The following ADCY1 variants were observed in gnomAD, a reference collection of about 807,000 sequenced individuals.
ADCY1 encodes the protein adenylate cyclase 1.
ADCY1 carries 28 observed loss-of-function variants against 105.4 expected under a neutral mutation model. That is an observed-to-expected ratio of 0.27 (90% confidence interval 0.20 to 0.36). The LOEUF is 0.36. Ranked by LOEUF, ADCY1 falls within the 10% of genes least tolerant of loss-of-function variation. ADCY1 has a pLI of 1.00. For synonymous variants in ADCY1, 655 were observed against 623.8 expected, an observed-to-expected ratio of 1.05 and a Z score of -0.75; for missense variants, 977 against 1,434.2, an observed-to-expected ratio of 0.68 and a Z score of 5.15.
chr7:45,688,812 T>C (rs975461654), intron 14 of ADCY1, among the ~76,000 whole-genome samples: 1 of 151,890 alleles, frequency 6.6e-6, no homozygotes, highest in Non-Finnish European at 1.5e-5. Context: ...ATACTCACAG[T>C]CCTGTAACGA....
intron 11 of ADCY1, chr7:45,680,241 G>A (rs1211642422): frequency 1.9e-5 from 4 of 212,914 alleles, no homozygotes; most frequent in Non-Finnish European, 2.9e-5. Flanking sequence ...CAGCAGGACA[G>A]AAGAGGGATG....
chr7:45,582,527 C>T lies in ADCY1; in HGVS notation c.639+7345C>T, dbSNP rs563090352. ...GAAGGGAGTGGGGCTGTCTGCCACT[C>T]GGCTGTGCCCCTCTCTAGTGCAGGC... On this transcript the variant is annotated intron_variant, in intron 1 of 19. Transcript: ENST00000297323. Among the ~76,000 whole-genome samples, 19 of 126,556 alleles carry T rather than the reference C, an allele frequency of 1.5e-4. No homozygotes were observed. In the East Asian group the frequency reaches 3.6e-3, roughly 24 times the overall value. 83.0% of individuals were successfully genotyped at this position (126,556 alleles called of 152,430 possible).
At position 45,719,027 on chromosome 7, in the gene ADCY1, GA is replaced by G. The variant is rs1785413850; in HGVS notation, c.*5034del. Reference sequence around the variant, plus strand: ...AGCTGCAGTGTCTGTGATTCTGTGTGAACTGACAGCAGGGAGCTGAAGGACA... The same window carrying G: ...AGCTGCAGTGTCTGTGATTCTGTGTGACTGACAGCAGGGAGCTGAAGGACA... On this transcript the variant is annotated 3_prime_UTR_variant, in exon 20 of 20. Transcript: ENST00000297323. 1 of 152,886 alleles carries G rather than the reference GA, an allele frequency of 6.5e-6. No homozygotes were observed. The highest frequency in any genetic ancestry group is 2.1e-4 in the South Asian group (1 of 4,838). 9.5% of individuals were successfully genotyped at this position (152,886 alleles called of 1,614,324 possible). A position where few individuals can be genotyped will look rare whatever the true frequency, so the allele number is the denominator to read the frequency against.
intron 4 of ADCY1, among the ~76,000 whole-genome samples, chr7:45,640,695 A>G (rs995944895): frequency 1.7e-4 from 26 of 152,228 alleles, no homozygotes; most frequent in Admixed American, 1.0e-3. Flanking sequence ...TTTCTAAAAA[A>G]CAACTCAGGG....
chr7:45,593,747 A>G (rs1159082186), intron 2 of ADCY1, among the ~76,000 whole-genome samples: 2 of 152,258 alleles, frequency 1.3e-5, no homozygotes, highest in Non-Finnish European at 2.9e-5. Context: ...ATGTGAATAT[A>G]AGGTATTATA....
At chr7:45,639,738 G>A (rs1254759212) in intron 4 of ADCY1, among the ~76,000 whole-genome samples, 1 of 152,254 alleles carries the variant, frequency 6.6e-6, no homozygotes, top group Non-Finnish European at 1.5e-5. Flanking sequence ...TCAGATTTCA[G>A]ATGGTACAGG....
At chr7:45,585,600 C>T (rs1384816520) in intron 1 of ADCY1, among the ~76,000 whole-genome samples, 1 of 152,180 alleles carries the variant, frequency 6.6e-6, no homozygotes, top group East Asian at 1.9e-4. Context: ...AGGCATGTAC[C>T]ACCACGCCCG....
intron 14 of ADCY1, among the ~76,000 whole-genome samples, chr7:45,691,707 C>A (rs1784789473): frequency 1.3e-5 from 2 of 152,216 alleles, no homozygotes; most frequent in Admixed American, 6.5e-5. Context: ...CAACTTATTT[C>A]TCTACCAATA....
chr7:45,695,769 G>T (rs909536605), intron 14 of ADCY1, among the ~76,000 whole-genome samples: 3 of 152,242 alleles, frequency 2.0e-5, no homozygotes, highest in African/African-American at 7.2e-5. Flanking sequence ...CAGTCACTGT[G>T]CAACAAGAAA....
chr7:45,705,133 C>T (rs7796703), intron 17 of ADCY1, among the ~76,000 whole-genome samples: 1 of 152,106 alleles, frequency 6.6e-6, no homozygotes. Flanking sequence ...CTGGTGAATT[C>T]TACCAAATAT....
At chr7:45,597,235 G>C (rs1793101200) in intron 2 of ADCY1, among the ~76,000 whole-genome samples, 1 of 152,238 alleles carries the variant, frequency 6.6e-6, no homozygotes, top group Non-Finnish European at 1.5e-5. Context: ...TGATGGAACA[G>C]ATGGAGATGG....
chr7:45,662,000 G>C lies in ADCY1; in HGVS notation c.1450-59G>C, dbSNP rs1052796601. On this transcript the variant is annotated intron_variant, in intron 7 of 19. Transcript: ENST00000297323. ...TTTGTCAGGATGGCATTCCCAGTCC[G>C]AGAGGCACAATGTGTCTCATTCACA... 3.8e-6 allele frequency: 6 copies of C among 1,562,444 alleles called. No individual in the cohort carries two copies. In the African/African-American group the frequency reaches 6.8e-5, roughly 18 times the overall value.
intron 4 of ADCY1, among the ~76,000 whole-genome samples, chr7:45,642,667 G>C (rs777511589): frequency 6.6e-6 from 1 of 152,112 alleles, no homozygotes; most frequent in African/African-American, 2.4e-5. Context: ...CTTCTCTCTA[G>C]CAGGCAGGTG....
At position 45,716,796 on chromosome 7, in the gene ADCY1, G is replaced by T. The variant is rs566693967; in HGVS notation, c.*2801G>T. 1 of 152,348 alleles carries T rather than the reference G, an allele frequency of 6.6e-6. No individual in the cohort carries two copies. The highest frequency in any genetic ancestry group is 1.5e-5 in the Non-Finnish European group (1 of 68,138). The allele number at this position is 152,348 out of a possible 1,614,324, so 9.4% of individuals were successfully genotyped here. Reference sequence around the variant, plus strand: ...TGGGAGGGGAACTTGGTTTATCTGGGTGGGCTCAGTGACCCCTTGGAATGG... The same window carrying T: ...TGGGAGGGGAACTTGGTTTATCTGGTTGGGCTCAGTGACCCCTTGGAATGG... On this transcript the variant is annotated 3_prime_UTR_variant, in exon 20 of 20. Coordinates refer to ENST00000297323, the MANE Select transcript of ADCY1 (RefSeq NM_021116.4).
At chr7:45,611,165 G>T (rs76674991) in intron 3 of ADCY1, among the ~76,000 whole-genome samples, 4,369 of 145,600 alleles carry the variant, frequency 0.03, 74 homozygotes, top group African/African-American at 0.051. Flanking sequence ...GGTGATGGAG[G>T]AGGTGAGGTG....
At chr7:45,588,446 G>T (rs1792800199) in intron 1 of ADCY1, among the ~76,000 whole-genome samples, 1 of 152,206 alleles carries the variant, frequency 6.6e-6, no homozygotes, top group African/African-American at 2.4e-5. Context: ...GGGAGCCATT[G>T]CTTCTAGTTT....
intron 14 of ADCY1, among the ~76,000 whole-genome samples, chr7:45,701,906 C>T (rs1462897395): frequency 6.6e-6 from 1 of 152,160 alleles, no homozygotes; most frequent in Middle Eastern, 3.2e-3. Flanking sequence ...TTTCTTTTGT[C>T]CTCATCTGCT....
At chr7:45,693,342 G>A (rs1244512864) in intron 14 of ADCY1, among the ~76,000 whole-genome samples, 6 of 145,334 alleles carry the variant, frequency 4.1e-5, no homozygotes, top group Admixed American at 2.1e-4. Flanking sequence ...AATGATGCTG[G>A]CCTCATAAAA....
intron 16 of ADCY1, 56 bp from the exon 17 acceptor site, chr7:45,704,462 C>A: frequency 6.6e-7 from 1 of 1,517,668 alleles, no homozygotes; most frequent in Non-Finnish European, 9.1e-7. Flanking sequence ...CTGACGGCTG[C>A]AGCGACTTTT....
Sources: allele counts gnomAD v4.1 joint callset (sites outside exome capture counted in the v4.1 genomes callset), GRCh38; gene constraint gnomAD v4.1.1; transcripts MANE v1.5; gene names NCBI Gene and HGNC (gene_info 2026-07-23, HGNC 2026-07-21).